AGRN: variants seen among roughly 807,000 people sequenced by gnomAD.
The protein encoded by AGRN is agrin, also known as agrin proteoglycan.
AGRN carries 106 observed loss-of-function variants against 211.0 expected under a neutral mutation model. The observed-to-expected ratio is 0.50, with a 90% CI of 0.43 to 0.59. AGRN has a LOEUF of 0.59. Ranked by LOEUF, AGRN falls within the 20% of genes least tolerant of loss-of-function variation. The probability of loss-of-function intolerance (pLI) is 0.00; values close to 1 mark genes in which losing one functional copy is unlikely to be tolerated. For synonymous variants in AGRN, 1,525 were observed against 1,332.5 expected (o/e 1.14, Z -3.15); for missense variants, 3,040 against 2,982.6 (o/e 1.02, Z -0.45).
chr1:1,053,616 G>A (rs1230948902), intron 33 of AGRN, 137 bp from the exon 34 acceptor site: 2 of 1,494,580 alleles, frequency 1.3e-6, no homozygotes, highest in African/African-American at 2.8e-5. Context: ...CCCACTGTCG[G>A]TGTCTGCCCA....
chr1:1,028,161 G>A (rs965486023), intron 2 of AGRN, among the ~76,000 whole-genome samples: 3 of 152,286 alleles, frequency 2.0e-5, no homozygotes, highest in South Asian at 2.1e-4. Flanking sequence ...GTGAAAGCCC[G>A]TGCAGAGAAC....
chr1:1,051,751 G>C lies in AGRN; in HGVS notation c.5587G>C (p.Asp1863His). Residue 1863 changes from aspartate (D) to histidine (H), a missense_variant, in exon 33 of 36, where the codon GAC becomes CAC. By Grantham distance (81) the Asp-to-His change is moderately conservative. This residue lies in a region of AGRN where 1,537 missense variants were observed against 1,505.0 expected (regional missense o/e 1.02). Coordinates refer to ENST00000379370, the MANE Select transcript of AGRN (RefSeq NM_198576.4). ...AGGGCTGGTGGAGAAGTCAGCGGGG[G>C]ACGTGGATACCTTGGCCTTTGACGG... Reference protein sequence around the residue: ...EKGLVEKSAGDVDTLAFDGRT... With the variant: ...EKGLVEKSAGHVDTLAFDGRT... 1.9e-6 allele frequency: 3 copies of C among 1,613,888 alleles called. No individual in the cohort carries two copies. Among genetic ancestry groups the C allele is most frequent in the Non-Finnish European group, 2.5e-6 (3 of 1,179,976 alleles).
At chr1:1,029,292 G>A (rs1044046691) in intron 2 of AGRN, among the ~76,000 whole-genome samples, 10 of 151,976 alleles carry the variant, frequency 6.6e-5, no homozygotes, top group South Asian at 4.2e-4. Context: ...TGAGGAGAAC[G>A]TGCCTTCCCA....
intron 30 of AGRN, 182 bp downstream of exon 30, chr1:1,051,019 C>A (rs1645269781): frequency 6.5e-7 from 1 of 1,549,316 alleles, no homozygotes; most frequent in Non-Finnish European, 8.7e-7. Flanking sequence ...CCCACCCGCT[C>A]TTCGGAGGCC....
chr1:1,038,882 T>G (rs1644861325), intron 3 of AGRN, among the ~76,000 whole-genome samples: 1 of 151,764 alleles, frequency 6.6e-6, no homozygotes, highest in Non-Finnish European at 1.5e-5. Context: ...AGAAGGGAAG[T>G]GAAAGGGCCA....
At chr1:1,045,704 A>G in intron 14 of AGRN, 29 bp from the exon 15 acceptor site, 2 of 1,613,162 alleles carry the variant, frequency 1.2e-6, no homozygotes, top group Non-Finnish European at 1.7e-6. Flanking sequence ...AGGTGCGGAC[A>G]TCACGTTCCT....
rs534096241 is a variant in AGRN, at chr1:1,031,236, A to G, written c.464-4041A>G. 1.4e-5 allele frequency among the ~76,000 whole-genome samples: 2 copies of G among 138,344 alleles called. No homozygotes were observed. The highest frequency in any genetic ancestry group is 5.5e-5 in the African/African-American group (2 of 36,166). The allele number at this position is 138,344 out of a possible 152,430, so 90.8% of individuals were successfully genotyped here. ...CAGTGCATGGTGCTGTGAGTGTATCAGCATGTCTGTGTGTGTGCAGTGCAT... is the reference window on the plus strand; with the variant it reads ...CAGTGCATGGTGCTGTGAGTGTATCGGCATGTCTGTGTGTGTGCAGTGCAT... On this transcript the variant is annotated intron_variant, in intron 2 of 35. Transcript: ENST00000379370. This position sits in a 1 kb window ranked among gnomAD's most constrained non-coding sequence, Gnocchi z 4.8.
In AGRN at chr1:1,050,825, G is replaced by A. The variant is rs764015144; in HGVS notation, c.5241G>A (p.Leu1747=). The A allele has an allele frequency of 1.5e-5, 24 of 1,581,350 alleles. No homozygotes were observed. The highest frequency in any genetic ancestry group is 2.0e-5 in the Non-Finnish European group (23 of 1,168,160). Residue 1747 remains leucine (L), a synonymous_variant, in exon 30 of 36, where the codon TTG becomes TTA. Coordinates refer to ENST00000379370, the MANE Select transcript of AGRN (RefSeq NM_198576.4). ...GTGTGGGCGACGGCCCCCGTGTGTTGGGGGAGTCCCCGGTGAGTGCTCTGG... is the reference window on the plus strand; with the variant it reads ...GTGTGGGCGACGGCCCCCGTGTGTTAGGGGAGTCCCCGGTGAGTGCTCTGG... ...ALRVGDGPRV[L]GESPVPHTVL...
In AGRN at chr1:1,040,901, G is replaced by A. The variant is rs1232518925; in HGVS notation, c.727+21G>A. On this transcript the variant is annotated intron_variant, in intron 4 of 35. Transcript: ENST00000379370. ...GTGCGGTGAGCGGGGCGGGGCCGGT[G>A]CCTGGGGCGGGGAGGGGCGGGGCCT... The A allele has an allele frequency of 2.8e-6, 4 of 1,435,410 alleles. No homozygotes were observed. The South Asian group carries it at 4.3e-5, about 15-fold the overall frequency. The allele number at this position is 1,435,410 out of a possible 1,614,324, so 88.9% of individuals were successfully genotyped here.
In AGRN at chr1:1,042,720, G is replaced by A. The variant is rs1297540546; in HGVS notation, c.1385-519G>A. 2.0e-5 allele frequency among the ~76,000 whole-genome samples: 3 copies of A among 152,202 alleles called. No individual in the cohort carries two copies. The East Asian group carries it at 5.8e-4, about 29-fold the overall frequency. On this transcript the variant is annotated intron_variant, in intron 7 of 35. Transcript: ENST00000379370. ...ACCTGCTGGCAGGATGAGGTGCCGT[G>A]CCTGCCCTCCAGGAGCCCGCAGCCC...
At chr1:1,026,826 C>G (rs1034076024) in intron 2 of AGRN, among the ~76,000 whole-genome samples, 4 of 152,218 alleles carry the variant, frequency 2.6e-5, no homozygotes, top group African/African-American at 9.6e-5. Flanking sequence ...TGAGATATCA[C>G]CCCATGGACA....
At chr1:1,042,255 C>G (rs1429698615) in intron 7 of AGRN, 93 bp downstream of exon 7, 2 of 1,429,544 alleles carry the variant, frequency 1.4e-6, no homozygotes, top group Non-Finnish European at 1.9e-6. Context: ...CATCATGTTC[C>G]TCTTGGGGTC....
At chr1:1,054,146 G>A (rs1268825914) in intron 34 of AGRN, among the ~76,000 whole-genome samples, 169 bp downstream of exon 34, 1 of 152,244 alleles carries the variant, frequency 6.6e-6, no homozygotes, top group Non-Finnish European at 1.5e-5. Flanking sequence ...TGCAGGAGAA[G>A]CAATGATCAG....
In AGRN at chr1:1,047,561, T is replaced by C. The variant is rs3128102; in HGVS notation, c.3517-12T>C. Reference sequence around the variant, plus strand: ...GGCGGCCCCCCAAGTCCTTGCCTACTCCCTGCCACAGCTGGACGACCTCTT... The same window carrying C: ...GGCGGCCCCCCAAGTCCTTGCCTACCCCCTGCCACAGCTGGACGACCTCTT... On this transcript the variant is annotated splice_polypyrimidine_tract_variant and intron_variant, in intron 20 of 35. Transcript: ENST00000379370. 1,448,916 of 1,612,772 alleles carry C rather than the reference T, an allele frequency of 0.9. 659,170 individuals are homozygous for C. Among genetic ancestry groups the C allele is most frequent in the East Asian group, 0.97 (43,507 of 44,872 alleles).
In AGRN at chr1:1,048,594, C is replaced by T; in HGVS notation, c.4105+229C>T. 1 of 586,536 alleles carries T rather than the reference C, an allele frequency of 1.7e-6. No individual in the cohort carries two copies. Among genetic ancestry groups the T allele is most frequent in the East Asian group, 2.9e-5 (1 of 34,348 alleles). 36.3% of individuals were successfully genotyped at this position (586,536 alleles called of 1,614,324 possible). On this transcript the variant is annotated intron_variant, in intron 23 of 35. Coordinates refer to ENST00000379370, the MANE Select transcript of AGRN (RefSeq NM_198576.4). This position sits in a 1 kb window ranked among gnomAD's most constrained non-coding sequence, Gnocchi z 5.9. ...GAGACCAGCCTGACCAACATGGAGA[C>T]ACTCTGTCTCTACTAAAAATACAAA... is the stretch of plus-strand genomic sequence containing the variant.
chr1:1,048,376 C>T lies in AGRN; in HGVS notation c.4105+11C>T, dbSNP rs1439460917. 5.5e-6 allele frequency: 8 copies of T among 1,444,484 alleles called. No homozygotes were observed. Among genetic ancestry groups the T allele is most frequent in the Middle Eastern group, 3.7e-4 (2 of 5,362 alleles). The allele number at this position is 1,444,484 out of a possible 1,614,324, so 89.5% of individuals were successfully genotyped here. A position where few individuals can be genotyped will look rare whatever the true frequency, so the allele number is the denominator to read the frequency against. ...CCGTCTGTGAGAAGGGTAAGGATGT[C>T]CACTGCAGAGGAGGGCGGGGAGGCA... On this transcript the variant is annotated intron_variant, in intron 23 of 35. Transcript: ENST00000379370. The surrounding 1 kb of genome is among the most constrained non-coding windows in gnomAD (Gnocchi z 5.9).
Position 1,032,068 on chromosome 1 carries a change from G to T in AGRN, c.464-3209G>T, listed in dbSNP as rs1359209791. On this transcript the variant is annotated intron_variant, in intron 2 of 35. Transcript: ENST00000379370. This position sits in a 1 kb window ranked among gnomAD's most constrained non-coding sequence, Gnocchi z 4.7. ...GAACACTGTCAGCCTGGTGTGGACA[G>T]TGCCAAGGTCCAGCAGGGTGGGGTG... 1.3e-5 allele frequency among the ~76,000 whole-genome samples: 2 copies of T among 152,240 alleles called. No homozygotes were observed. Among genetic ancestry groups the T allele is most frequent in the East Asian group, 3.8e-4 (2 of 5,200 alleles).
In AGRN at chr1:1,049,037, C is replaced by T; in HGVS notation, c.4276C>T (p.Leu1426=). The part of the protein sequence containing the change: ...RGKDFLALAL[L]DGRVQLRFDT... ...CAAGGACTTCCTGGCATTGGCGCTGCTAGATGGCCGCGTGCAGCTCAGGTG... is the reference window on the plus strand; with the variant it reads ...CAAGGACTTCCTGGCATTGGCGCTGTTAGATGGCCGCGTGCAGCTCAGGTG... Residue 1426 remains leucine, a synonymous_variant, in exon 24 of 36, where the codon CTA becomes TTA. Transcript: ENST00000379370. The T allele has an allele frequency of 1.3e-6, 2 of 1,563,140 alleles. No individual in the cohort carries two copies. The highest frequency in any genetic ancestry group is 1.7e-6 in the Non-Finnish European group (2 of 1,158,224).
At chr1:1,038,114 T>G (rs2100619029) in intron 3 of AGRN, among the ~76,000 whole-genome samples, 1 of 152,290 alleles carries the variant, frequency 6.6e-6, no homozygotes, top group South Asian at 2.1e-4. Flanking sequence ...GGACCAGCAC[T>G]GTGACCTTTA....
Sources: gnomAD v4.1 joint callset for allele counts (sites outside exome capture counted in the v4.1 genomes callset) on GRCh38, gnomAD v4.1.1 for gene constraint, gnomAD v4.1.1 regional missense constraint, Gnocchi (gnomAD v3.1) non-coding constraint, MANE v1.5 for transcripts, NCBI Gene and HGNC (gene_info 2026-07-23, HGNC 2026-07-21) for gene names.